ZNF438: variants seen among roughly 807,000 people sequenced by gnomAD.
The protein encoded by ZNF438 is zinc finger protein 438.
ZNF438 carries 25 observed loss-of-function variants against 38.0 expected under a neutral mutation model. The ratio of observed to expected loss-of-function variants is 0.66; its 90% CI spans 0.48 to 0.92. ZNF438 has a LOEUF of 0.92. Among genes scored for constraint, ZNF438 ranks in the 40% least tolerant of loss-of-function variants. The pLI is 0.00. For synonymous variants in ZNF438, 372 were observed against 364.1 expected (o/e 1.02, Z -0.25); for missense variants, 1,007 against 999.6 (o/e 1.01, Z -0.10).
intron 3 of ZNF438, among the ~76,000 whole-genome samples, chr10:30,901,756 C>T (rs1192514141): frequency 1.3e-5 from 2 of 151,916 alleles, no homozygotes; most frequent in East Asian, 1.9e-4. Flanking sequence ...CTTGGTCTCA[C>T]TGACTTCAAG....
intron 1 of ZNF438, among the ~76,000 whole-genome samples, chr10:30,947,767 G>C (rs1023718710): frequency 2.0e-5 from 3 of 152,170 alleles, no homozygotes; most frequent in African/African-American, 7.2e-5. Flanking sequence ...CGCAGTATTC[G>C]GGAGGGAGTA....
At chr10:31,001,190 T>C (rs887870457) in intron 1 of ZNF438, among the ~76,000 whole-genome samples, 10 of 152,212 alleles carry the variant, frequency 6.6e-5, no homozygotes, top group Non-Finnish European at 1.3e-4. Context: ...ATTTCAGTCA[T>C]TGGCAGATGG....
At chr10:31,015,357 A>G (rs892408795) in intron 1 of ZNF438, among the ~76,000 whole-genome samples, 1 of 152,212 alleles carries the variant, frequency 6.6e-6, no homozygotes, top group African/African-American at 2.4e-5. Flanking sequence ...AGAATACAGC[A>G]TTATGGCCGG....
chr10:30,984,371 A>G (rs1442551767), intron 1 of ZNF438: 1 of 152,156 alleles, frequency 6.6e-6, no homozygotes, highest in South Asian at 2.1e-4. Context: ...TCACTTACCT[A>G]TATCCCAAGG....
chr10:30,892,638 C>T (rs1437216412), intron 3 of ZNF438, among the ~76,000 whole-genome samples: 3 of 151,882 alleles, frequency 2.0e-5, no homozygotes, highest in Non-Finnish European at 4.4e-5. Flanking sequence ...AATAAGTCTC[C>T]TTCTCATTCT....
chr10:30,873,437 T>A (rs147192549), intron 4 of ZNF438, among the ~76,000 whole-genome samples: 78 of 152,338 alleles, frequency 5.1e-4, no homozygotes, highest in African/African-American at 1.5e-3. Flanking sequence ...TTTTCTCCAT[T>A]AATAATGCTG....
chr10:30,890,788 T>C (rs538880578), intron 3 of ZNF438, among the ~76,000 whole-genome samples: 2 of 152,252 alleles, frequency 1.3e-5, no homozygotes, highest in South Asian at 4.1e-4. Flanking sequence ...AGTTGATTCT[T>C]CCAGCATTTA....
chr10:30,902,869 C>T (rs1222464224), intron 3 of ZNF438, among the ~76,000 whole-genome samples: 2 of 152,202 alleles, frequency 1.3e-5, no homozygotes, highest in Non-Finnish European at 2.9e-5. Context: ...GGTGGTGCTC[C>T]TTGGGGAGGC....
chr10:30,984,302 A>G (rs2052535767), intron 1 of ZNF438, 67 bp downstream of exon 2: 1 of 152,190 alleles, frequency 6.6e-6, no homozygotes, highest in Non-Finnish European at 1.5e-5. Context: ...CTACTTTGCC[A>G]GGAACCTATG....
At chr10:30,868,749 T>C (rs1291861376) in intron 4 of ZNF438, among the ~76,000 whole-genome samples, 1 of 152,242 alleles carries the variant, frequency 6.6e-6, no homozygotes, top group African/African-American at 2.4e-5. Context: ...GCAAATGGTC[T>C]CAGGGGCAGA....
chr10:30,943,196 TG>T (rs1213765692), intron 1 of ZNF438, among the ~76,000 whole-genome samples: 7 of 151,974 alleles, frequency 4.6e-5, no homozygotes, highest in Non-Finnish European at 7.4e-5. Flanking sequence ...CAAGAGAAGA[TG>T]GGAACAAGAA....
At chr10:31,020,846 G>A (rs1282064642) in intron 1 of ZNF438, among the ~76,000 whole-genome samples, 1 of 151,462 alleles carries the variant, frequency 6.6e-6, no homozygotes, top group African/African-American at 2.4e-5. Flanking sequence ...ACCTCTTAAG[G>A]TTAACTATCA....
chr10:31,022,260 CTTT>C (rs57644959), intron 1 of ZNF438, among the ~76,000 whole-genome samples: 1 of 149,144 alleles, frequency 6.7e-6, no homozygotes, highest in African/African-American at 2.5e-5. Context: ...AGCTTTCTTC[CTTT>C]TTTTTTTCTT....
At chr10:30,949,266 G>A (rs1252901745) in intron 1 of ZNF438, among the ~76,000 whole-genome samples, 1 of 151,864 alleles carries the variant, frequency 6.6e-6, no homozygotes, top group African/African-American at 2.4e-5. Context: ...AACATGGAAA[G>A]GAAAAACCGG....
rs16932077 is a variant in ZNF438 at position 30,943,541 on chromosome 10, C to A, written c.-191-1890G>T. Among the ~76,000 whole-genome samples, 706 of 152,278 alleles carry A rather than the reference C, an allele frequency of 4.6e-3. 8 individuals are homozygous for A. The highest frequency in any genetic ancestry group is 0.016 in the African/African-American group (665 of 41,562). ...ACAATTCTGGTTGGCATAACTGAGA[C>A]AGTTAAAACACTATGAGTTCTGAGT... On this transcript the variant is annotated intron_variant, in intron 1 of 5. Coordinates refer to ENST00000413025, the Ensembl canonical transcript of ZNF438.
At chr10:30,880,973 A>G (rs959856534) in intron 3 of ZNF438, among the ~76,000 whole-genome samples, 1 of 152,232 alleles carries the variant, frequency 6.6e-6, no homozygotes, top group Non-Finnish European at 1.5e-5. Flanking sequence ...AATTAAGAAT[A>G]GAAAGGAACT....
chr10:30,855,266 C>A (rs2034420292), intron 4 of ZNF438, among the ~76,000 whole-genome samples: 1 of 152,156 alleles, frequency 6.6e-6, no homozygotes, highest in Non-Finnish European at 1.5e-5. Flanking sequence ...GTGTGGGCAA[C>A]CTGAAGTGAC....
chr10:31,015,231 C>T (rs1458284393), intron 1 of ZNF438, among the ~76,000 whole-genome samples: 4 of 152,070 alleles, frequency 2.6e-5, no homozygotes, highest in Non-Finnish European at 2.9e-5. Context: ...TTGCTGATTG[C>T]CATTGTTATT....
At chr10:30,882,102 A>G (rs913898686) in intron 3 of ZNF438, among the ~76,000 whole-genome samples, 12 of 152,316 alleles carry the variant, frequency 7.9e-5, no homozygotes, top group African/African-American at 2.4e-4. Context: ...TCTTCAAAAG[A>G]TATCAATAAG....
Sources: allele counts gnomAD v4.1 joint callset (sites outside exome capture counted in the v4.1 genomes callset), GRCh38; gene constraint gnomAD v4.1.1; transcripts MANE v1.5; gene names NCBI Gene and HGNC (gene_info 2026-07-23, HGNC 2026-07-21).